GRIP2: variants seen among roughly 807,000 people sequenced by gnomAD.
GRIP2 encodes glutamate receptor-interacting protein 2.
GRIP2 carries 58 observed loss-of-function variants against 108.3 expected under a neutral mutation model. That is an observed-to-expected ratio of 0.54 (90% CI 0.43 to 0.67). GRIP2 has a LOEUF of 0.67. GRIP2 is among the 30% of genes least tolerant of loss of function. The pLI, the probability that GRIP2 is intolerant of heterozygous loss-of-function variation, is 0.00. For missense variants in GRIP2, 1,278 were observed against 1,430.6 expected (o/e 0.89, Z 1.72); for synonymous variants, 586 against 598.2 (o/e 0.98, Z 0.30).
At chr3:14,565,246 AG>A in the GRIP2 span, among the ~76,000 whole-genome samples, 1 of 152,170 alleles carries the variant, frequency 6.6e-6, no homozygotes, top group African/African-American at 2.4e-5. Context: ...GTGTTACATG[AG>A]GGGTTCTTGT....
In GRIP2 at chr3:14,540,181, C is replaced by T. The variant is rs1237534101; in HGVS notation, c.40+88G>A. On this transcript the variant is annotated intron_variant, in intron 1 of 23. Transcript: ENST00000621039. The surrounding 1 kb of genome is among the most constrained non-coding windows in gnomAD (Gnocchi z 4.1). Reference sequence around the variant, plus strand: ...GGGAGTGGCAGTCCCAGGTCTCAGCCATCCAGTCCCCTCTCTCTGGGCAGC... The same window carrying T: ...GGGAGTGGCAGTCCCAGGTCTCAGCTATCCAGTCCCCTCTCTCTGGGCAGC... The T allele has an allele frequency of 6.7e-6, 10 of 1,502,776 alleles. No homozygotes were observed. Among genetic ancestry groups the T allele is most frequent in the Non-Finnish European group, 8.1e-6 (9 of 1,106,874 alleles). 93.1% of individuals were successfully genotyped at this position (1,502,776 alleles called of 1,614,324 possible). A position where few individuals can be genotyped will look rare whatever the true frequency, so the allele number is the denominator to read the frequency against.
At chr3:14,506,599 G>A (rs1451141533) in intron 19 of GRIP2, among the ~76,000 whole-genome samples, 1 of 152,218 alleles carries the variant, frequency 6.6e-6, no homozygotes, top group Admixed American at 6.5e-5. Flanking sequence ...AGATATGGCT[G>A]CAGTCCATGC....
chr3:14,578,385 G>A, the GRIP2 span, among the ~76,000 whole-genome samples: 16 of 152,282 alleles, frequency 1.1e-4, no homozygotes, highest in African/African-American at 3.9e-4. Context: ...GTTGTCATGA[G>A]GACTAAGGGA....
chr3:14,536,669 G>A (rs1694842864), intron 1 of GRIP2, among the ~76,000 whole-genome samples: 1 of 152,334 alleles, frequency 6.6e-6, no homozygotes, highest in South Asian at 2.1e-4. Context: ...GAGAGCGGGG[G>A]CGCAGTCTCA....
the GRIP2 span, among the ~76,000 whole-genome samples, chr3:14,566,927 C>A: frequency 6.6e-6 from 1 of 152,096 alleles, no homozygotes; most frequent in Non-Finnish European, 1.5e-5. Context: ...GTCCAATAAT[C>A]AAAGGTAGGG....
chr3:14,534,349 T>TG lies in GRIP2; in HGVS notation c.40+5919dup, dbSNP rs1239479942. On this transcript the variant is annotated intron_variant, in intron 1 of 23. Coordinates refer to ENST00000621039, the MANE Select transcript of GRIP2 (RefSeq NM_001080423.4). ...ATTACTTTATTTATAGAAAACCCCT[T>TG]GGGGGGGTCAGACCCTAGGCCCCCT... 2.3e-4 allele frequency among the ~76,000 whole-genome samples: 35 copies of TG among 151,868 alleles called. No homozygotes were observed. The East Asian group carries it at 4.4e-3, about 19-fold the overall frequency.
chr3:14,517,494 CTTTT>C (rs146509076), intron 10 of GRIP2, among the ~76,000 whole-genome samples: 33,569 of 107,116 alleles, frequency 0.31, 6,418 homozygotes, highest in East Asian at 0.53. Context: ...ATCTCTCTCT[CTTTT>C]TTTTTTTTTT....
At position 14,513,798 on chromosome 3, in the gene GRIP2, C is replaced by T. The variant is rs752851112; in HGVS notation, c.1506G>A (p.Leu502=). ...TGGACAGGACACGGTCCCCCACCTGCAGCAGCCCACACCTGAACCCAGGGG... is the reference window on the plus strand; with the variant it reads ...TGGACAGGACACGGTCCCCCACCTGTAGCAGCCCACACCTGAACCCAGGGG... The part of the protein sequence containing the change: ...PDSPAERCGL[L]QVGDRVLSIN... Residue 502 remains leucine (L), a synonymous_variant, in exon 13 of 24, where the codon CTG becomes CTA. Transcript: ENST00000621039. The T allele has an allele frequency of 6.2e-7, 1 of 1,612,954 alleles. No individual in the cohort carries two copies. Among genetic ancestry groups the T allele is most frequent in the South Asian group, 1.1e-5 (1 of 90,858 alleles).
chr3:14,553,555 C>T (rs546891120), intron 1 of GRIP2, among the ~76,000 whole-genome samples: 3 of 152,278 alleles, frequency 2.0e-5, no homozygotes, highest in South Asian at 2.1e-4. Flanking sequence ...ACTACACCCT[C>T]GAGTCTCAGT....
In GRIP2 at chr3:14,540,209, C is replaced by T. The variant is rs950352012; in HGVS notation, c.40+60G>A. On this transcript the variant is annotated intron_variant, in intron 1 of 23. Coordinates refer to ENST00000621039, the MANE Select transcript of GRIP2 (RefSeq NM_001080423.4). This position sits in a 1 kb window ranked among gnomAD's most constrained non-coding sequence, Gnocchi z 4.1. ...CCAGTCCCCTCTCTCTGGGCAGCAG[C>T]TCCAGAGGGATCTATGTGTTCAGCC... is the stretch of plus-strand genomic sequence containing the variant. 6.3e-6 allele frequency: 10 copies of T among 1,583,562 alleles called. No individual in the cohort carries two copies. The highest frequency in any genetic ancestry group is 1.7e-5 in the Admixed American group (1 of 58,964).
chr3:14,509,122 C>G (rs1294263537), intron 17 of GRIP2, among the ~76,000 whole-genome samples: 1 of 152,148 alleles, frequency 6.6e-6, no homozygotes, highest in African/African-American at 2.4e-5. Context: ...GAATCCCTCC[C>G]ATCCTCTCCC....
chr3:14,584,670 G>A, the GRIP2 span, among the ~76,000 whole-genome samples: 6 of 152,204 alleles, frequency 3.9e-5, no homozygotes, highest in Non-Finnish European at 5.9e-5. Context: ...GGCCCAGAGA[G>A]GGGCCATAAC....
In GRIP2 at chr3:14,540,199, T is replaced by G; in HGVS notation, c.40+70A>C. On this transcript the variant is annotated intron_variant, in intron 1 of 23. Transcript: ENST00000621039. The surrounding 1 kb of genome is among the most constrained non-coding windows in gnomAD (Gnocchi z 4.1). ...TCTCAGCCATCCAGTCCCCTCTCTC[T>G]GGGCAGCAGCTCCAGAGGGATCTAT... 3 of 1,558,690 alleles carry G rather than the reference T, an allele frequency of 1.9e-6. No homozygotes were observed. Among genetic ancestry groups the G allele is most frequent in the Non-Finnish European group, 2.6e-6 (3 of 1,143,010 alleles).
At chr3:14,551,106 C>T (rs762659723) in intron 1 of GRIP2, among the ~76,000 whole-genome samples, 15 of 152,148 alleles carry the variant, frequency 9.9e-5, no homozygotes, top group Non-Finnish European at 1.9e-4. Context: ...AGGAGGAACA[C>T]GGACCTGCCA....
the GRIP2 span, chr3:14,574,125 T>C: frequency 3.0e-6 from 3 of 1,014,726 alleles, no homozygotes; most frequent in Non-Finnish European, 4.7e-6. Flanking sequence ...CTGTGAGAAG[T>C]CCACGGGCAC....
the GRIP2 span, among the ~76,000 whole-genome samples, chr3:14,590,631 T>G: frequency 5.5e-4 from 84 of 152,322 alleles, no homozygotes; most frequent in African/African-American, 2.0e-3. Context: ...CTTGCTTCTC[T>G]CCCTCTAATA....
intron 1 of GRIP2, among the ~76,000 whole-genome samples, chr3:14,552,501 T>C (rs1695166043): frequency 6.6e-6 from 1 of 152,198 alleles, no homozygotes; most frequent in African/African-American, 2.4e-5. Flanking sequence ...TTGACGTCTG[T>C]CGATTCTGCC....
At chr3:14,549,808 T>G (rs1268858551) in intron 1 of GRIP2, among the ~76,000 whole-genome samples, 1 of 152,192 alleles carries the variant, frequency 6.6e-6, no homozygotes, top group Non-Finnish European at 1.5e-5. Context: ...GACAGCTCAG[T>G]TCTCTGGCTC....
chr3:14,516,292 C>G (rs1054770301), intron 11 of GRIP2, among the ~76,000 whole-genome samples: 1 of 152,156 alleles, frequency 6.6e-6, no homozygotes, highest in African/African-American at 2.4e-5. Flanking sequence ...CACCAGGTGA[C>G]CTGTACTCCT....
Sources: allele counts gnomAD v4.1 joint callset (sites outside exome capture counted in the v4.1 genomes callset), GRCh38; gene constraint gnomAD v4.1.1; non-coding constraint Gnocchi (gnomAD v3.1); transcripts MANE v1.5; gene names NCBI Gene and HGNC (gene_info 2026-07-23, HGNC 2026-07-21).